The following PGM1 variants were observed in gnomAD, a reference collection of about 807,000 sequenced individuals.
PGM1 encodes phosphoglucomutase-1.
PGM1 carries 52 observed loss-of-function variants against 55.6 expected under a neutral mutation model. That is an observed-to-expected ratio of 0.94 (90% CI 0.75 to 1.18). PGM1 has a LOEUF of 1.18. Among genes scored for constraint, PGM1 ranks in the 50% most tolerant of loss-of-function variants. The probability of loss-of-function intolerance (pLI) is 0.00; values close to 1 mark genes in which losing one functional copy is unlikely to be tolerated. For missense variants in PGM1, 724 were observed against 729.3 expected, an observed-to-expected ratio of 0.99 and a Z score of 0.08; for synonymous variants, 287 against 271.7, an observed-to-expected ratio of 1.06 and a Z score of -0.55.
At position 63,593,693 on chromosome 1, in the gene PGM1, G is replaced by T; in HGVS notation, c.205G>T (p.Glu69Ter). 6 of 1,604,424 alleles carry T rather than the reference G, an allele frequency of 3.7e-6. No homozygotes were observed. The highest frequency in any genetic ancestry group is 5.1e-6 in the Non-Finnish European group (6 of 1,176,736). ...CGGGGACGGCCGGTTCTACATGAAG[G>T]AGGCCATCCAGCTCATCGCTCGCAT... ...VGGDGRFYMK[E>*]AIQLIARIAA... Residue 69 changes from glutamate to a stop codon, truncating the protein, a stop_gained, in exon 1 of 11, where the codon GAG becomes TAG. Coordinates refer to ENST00000371084, the MANE Select transcript of PGM1 (RefSeq NM_002633.3). LOFTEE classifies it high-confidence loss of function.
intron 1 of PGM1, among the ~76,000 whole-genome samples, chr1:63,617,070 A>G (rs1050701621): frequency 1.3e-5 from 2 of 152,190 alleles, no homozygotes; most frequent in African/African-American, 2.4e-5. Context: ...TACCACTTTC[A>G]ATCCCTGTTT....
At chr1:63,657,415 G>A (rs1430795446) in intron 10 of PGM1, among the ~76,000 whole-genome samples, 1 of 152,144 alleles carries the variant, frequency 6.6e-6, no homozygotes, top group Non-Finnish European at 1.5e-5. Flanking sequence ...AATGTAAAAT[G>A]TTTAAACACT....
chr1:63,642,537 C>T (rs111430133), intron 7 of PGM1, among the ~76,000 whole-genome samples: 1 of 152,182 alleles, frequency 6.6e-6, no homozygotes, highest in African/African-American at 2.4e-5. Context: ...TTCCATCCCA[C>T]CTTAGAATTG....
chr1:63,623,199 G>A (rs975558394), intron 1 of PGM1: 2 of 1,304,072 alleles, frequency 1.5e-6, no homozygotes, highest in African/African-American at 3.0e-5. Flanking sequence ...GGTTAAGTGG[G>A]CAGAAGTGTC....
intron 1 of PGM1, among the ~76,000 whole-genome samples, chr1:63,608,847 G>C (rs955121293): frequency 6.6e-6 from 1 of 152,194 alleles, no homozygotes; most frequent in African/African-American, 2.4e-5. Flanking sequence ...TCCTCCATAT[G>C]TAGAAGTGGT....
intron 1 of PGM1, among the ~76,000 whole-genome samples, chr1:63,601,323 T>A (rs1648236623): frequency 6.6e-6 from 1 of 152,012 alleles, no homozygotes; most frequent in Non-Finnish European, 1.5e-5. Flanking sequence ...GATGAAGGAG[T>A]TTAGTAAAAA....
rs146388157 is a variant in PGM1, at chr1:63,659,306, T to C, written c.1600-280T>C. ...AGAGAGATTTAGCGGGGAAAAGTCA[T>C]TGAGGCCTGCTCATGGACTGGGCAT... On this transcript the variant is annotated intron_variant, in intron 10 of 10. Coordinates refer to ENST00000371084, the MANE Select transcript of PGM1 (RefSeq NM_002633.3). 3.4e-3 allele frequency among the ~76,000 whole-genome samples: 519 copies of C among 152,218 alleles called. 6 individuals carry two copies. Among genetic ancestry groups the C allele is most frequent in the Middle Eastern group, 0.01 (3 of 294 alleles).
chr1:63,608,057 G>A (rs1283183869), intron 1 of PGM1, among the ~76,000 whole-genome samples: 2 of 152,242 alleles, frequency 1.3e-5, no homozygotes, highest in African/African-American at 2.4e-5. Flanking sequence ...AAGAGTTAGA[G>A]AGGTGTCAGC....
chr1:63,636,758 T>C (rs1649375374), intron 6 of PGM1, among the ~76,000 whole-genome samples: 1 of 152,166 alleles, frequency 6.6e-6, no homozygotes, highest in Non-Finnish European at 1.5e-5. Context: ...CACACACACA[T>C]ACACGTATAA....
At chr1:63,620,751 T>C (rs1390848183) in intron 1 of PGM1, among the ~76,000 whole-genome samples, 3 of 152,168 alleles carry the variant, frequency 2.0e-5, no homozygotes, top group African/African-American at 7.2e-5. Context: ...GTGAAATTGA[T>C]TGGACCCAAG....
At chr1:63,623,456 G>T in intron 1 of PGM1, 2 of 1,611,096 alleles carry the variant, frequency 1.2e-6, no homozygotes, top group Non-Finnish European at 1.7e-6. Flanking sequence ...CGGTGGAAGT[G>T]AAGGATGAGT....
At chr1:63,613,216 G>C (rs2100968347) in intron 1 of PGM1, among the ~76,000 whole-genome samples, 1 of 145,324 alleles carries the variant, frequency 6.9e-6, no homozygotes, top group South Asian at 2.2e-4. Flanking sequence ...CAGACTGCCT[G>C]TCACTCAGAC....
intron 1 of PGM1, among the ~76,000 whole-genome samples, chr1:63,594,971 A>AG (rs1648014606): frequency 6.8e-6 from 1 of 146,896 alleles, no homozygotes; most frequent in Non-Finnish European, 1.5e-5. Flanking sequence ...AAAAAAAAAA[A>AG]AAAAGAAAAA....
intron 1 of PGM1, among the ~76,000 whole-genome samples, chr1:63,597,680 C>T (rs993667113): frequency 5.9e-5 from 9 of 152,188 alleles, no homozygotes; most frequent in Admixed American, 1.3e-4. Context: ...AGAATCCCAA[C>T]GAATTCTTTA....
chr1:63,624,888 A>G (rs1285727744), intron 1 of PGM1, among the ~76,000 whole-genome samples: 1 of 152,194 alleles, frequency 6.6e-6, no homozygotes, highest in Non-Finnish European at 1.5e-5. Flanking sequence ...TTTTCCTGAT[A>G]CTCAGTTTCA....
intron 10 of PGM1, among the ~76,000 whole-genome samples, chr1:63,655,555 T>C (rs1380475853): frequency 2.0e-5 from 3 of 152,118 alleles, no homozygotes; most frequent in Admixed American, 6.5e-5. Context: ...GACAGTGAAC[T>C]TGAAGGACAA....
intron 1 of PGM1, among the ~76,000 whole-genome samples, chr1:63,606,787 A>C (rs1263296355): frequency 1.3e-5 from 2 of 152,162 alleles, no homozygotes; most frequent in Non-Finnish European, 2.9e-5. Context: ...ATTCCCTCCA[A>C]ATCTGGTGAA....
At chr1:63,623,941 C>G (rs1648955177) in intron 1 of PGM1, among the ~76,000 whole-genome samples, 2 of 152,294 alleles carry the variant, frequency 1.3e-5, no homozygotes, top group South Asian at 4.1e-4. Context: ...ATTACATTAG[C>G]CACACTGGGA....
chr1:63,593,431 C>T lies in PGM1; in HGVS notation c.-58C>T, dbSNP rs1224138224. 6.2e-7 allele frequency: 1 copy of T among 1,609,430 alleles called. No homozygotes were observed. ...ACCCCAGAGCAGCTGCAGCCTCAGC[C>T]GGCCGCCCCTCCGCCAGCCAAGTCC... On this transcript the variant is annotated 5_prime_UTR_variant, in exon 1 of 11. Coordinates refer to ENST00000371084, the MANE Select transcript of PGM1 (RefSeq NM_002633.3).
Sources: allele counts gnomAD v4.1 joint callset (sites outside exome capture counted in the v4.1 genomes callset), GRCh38; gene constraint gnomAD v4.1.1; transcripts MANE v1.5; gene names NCBI Gene and HGNC (gene_info 2026-07-23, HGNC 2026-07-21).